The following MPZ variants were observed in gnomAD, a reference collection of about 807,000 sequenced individuals.
The protein encoded by MPZ is myelin protein P0.
Under a neutral mutation model 27.9 loss-of-function variants are expected in MPZ, and 13 were observed. That is an observed-to-expected ratio of 0.47 (90% CI 0.30 to 0.74). The LOEUF (loss-of-function observed/expected upper bound fraction) is 0.74, where lower values mean the gene tolerates loss of function less well. MPZ is among the 30% of genes least tolerant of loss of function. The pLI, the probability that MPZ is intolerant of heterozygous loss-of-function variation, is 0.06. For missense variants in MPZ, 256 were observed against 317.5 expected, an observed-to-expected ratio of 0.81 and a Z score of 1.47; for synonymous variants, 118 against 128.9, an observed-to-expected ratio of 0.92 and a Z score of 0.57.
Position 161,306,823 on chromosome 1 carries a change from G to GGA in MPZ, c.331_332dup (p.Ile112ProfsTer7). On this transcript the variant is annotated frameshift_variant, in exon 3 of 6. Transcript: ENST00000533357. LOFTEE classifies it high-confidence loss of function. ...TGTAGTCTAGGTTGTGTATGACAATGGAGCCATCCTTCCAGCGAGGGTCCC... is the reference window on the plus strand; with the variant it reads ...TGTAGTCTAGGTTGTGTATGACAATGGAGAGCCATCCTTCCAGCGAGGGTCCC... 6.2e-7 allele frequency: 1 copy of GGA among 1,613,980 alleles called. No individual in the cohort carries two copies. The highest frequency in any genetic ancestry group is 8.5e-7 in the Non-Finnish European group (1 of 1,179,990).
At position 161,307,417 on chromosome 1, in the gene MPZ, G is replaced by A. The variant is rs139276805; in HGVS notation, c.75C>T (p.Ser25=). The A allele has an allele frequency of 3.1e-6, 5 of 1,614,008 alleles. No homozygotes were observed. Among genetic ancestry groups the A allele is most frequent in the Admixed American group, 1.7e-5 (1 of 60,008 alleles). ...TGTAAACCACGATGGCCTGGGCCGG[G>A]GACAGCACTGCAAGCACAAAGTGGG... ...AVLLFSSLVL[S]PAQAIVVYTD... is the part of the protein sequence containing the mutation. The change falls in exon 2 of 6, where the codon TCC becomes TCT. Residue 25 remains serine (S), a synonymous_variant. Coordinates refer to ENST00000533357, the MANE Select transcript of MPZ (RefSeq NM_000530.8).
chr1:161,306,548 G>A, intron 3 of MPZ, 84 bp from the exon 4 acceptor site: 1 of 1,582,212 alleles, frequency 6.3e-7, no homozygotes, highest in South Asian at 1.1e-5. Context: ...CCTGCATTGA[G>A]GATGTAGGAC....
chr1:161,304,535 G>A (rs1397503237), downstream of MPZ, among the ~76,000 whole-genome samples: 3 of 152,178 alleles, frequency 2.0e-5, no homozygotes, highest in Admixed American at 1.3e-4. Context: ...AGTTTACAAC[G>A]TAGTATAATC....
chr1:161,307,014 C>CAAAAAAAAAAAAAAGA, intron 2 of MPZ, 93 bp from the exon 3 acceptor site: 13 of 230,382 alleles, frequency 5.6e-5, no homozygotes, highest in South Asian at 2.0e-4. Flanking sequence ...AAGAAAAAAG[C>CAAAAAAAAAAAAAAGA]AAAAAAAAAA....
rs16832786 is a variant in MPZ, at chr1:161,305,115, T to C, written c.*761A>G. ...ATTAAGGACTTAAGGGGGGCGTGAATTGCAAAAGCCACATGACGTCATTGG... is the reference window on the plus strand; with the variant it reads ...ATTAAGGACTTAAGGGGGGCGTGAACTGCAAAAGCCACATGACGTCATTGG... On this transcript the variant is annotated 3_prime_UTR_variant, in exon 6 of 6. Coordinates refer to ENST00000533357, the MANE Select transcript of MPZ (RefSeq NM_000530.8). 19,705 of 152,666 alleles carry C rather than the reference T, an allele frequency of 0.13. 1,561 individuals are homozygous for C. Among genetic ancestry groups the C allele is most frequent in the African/African-American group, 0.22 (9,145 of 41,386 alleles). 9.5% of individuals were successfully genotyped at this position (152,666 alleles called of 1,614,324 possible). A position where few individuals can be genotyped will look rare whatever the true frequency, so the allele number is the denominator to read the frequency against.
chr1:161,306,191 A>C, intron 4 of MPZ, 23 bp from the exon 5 acceptor site: 1 of 1,614,052 alleles, frequency 6.2e-7, no homozygotes, highest in Non-Finnish European at 8.5e-7. Context: ...AGACTGCTGT[A>C]CGTTTGGCCT....
Position 161,307,292 on chromosome 1 carries a change from C to T in MPZ, c.200G>A (p.Arg67His), listed in dbSNP as rs201720099. ...WVSDDISFTW[R>H]YQPEGGRDAI... ...ATCTCTGCCCCCTTCGGGCTGGTAG[C>T]GCCAGGTGAAGGAGATGTCATCTGA... Residue 67 changes from arginine (R) to histidine (H), a missense_variant, in exon 2 of 6, where the codon CGC (arginine) becomes CAC (histidine). Arg to His is a conservative substitution (Grantham distance 29, BLOSUM62 0). Coordinates refer to ENST00000533357, the MANE Select transcript of MPZ (RefSeq NM_000530.8). 3.8e-5 allele frequency: 62 copies of T among 1,614,140 alleles called. No individual in the cohort carries two copies. The highest frequency in any genetic ancestry group is 5.0e-5 in the Non-Finnish European group (59 of 1,180,056).
At chr1:161,309,789 T>G (rs1380903436) in intron 1 of MPZ, 50 bp downstream of exon 1, 1 of 1,456,096 alleles carries the variant, frequency 6.9e-7, no homozygotes, top group African/African-American at 1.4e-5. Flanking sequence ...TGGGGATTGC[T>G]GAGAGACACC....
chr1:161,303,745 GC>G (rs1331950586), downstream of MPZ, among the ~76,000 whole-genome samples: 4 of 152,138 alleles, frequency 2.6e-5, no homozygotes, highest in Admixed American at 6.5e-5. Flanking sequence ...GGAATCTTGG[GC>G]TTAAGATATT....
intron 5 of MPZ, 49 bp from the exon 6 acceptor site, chr1:161,306,026 G>A (rs762978083): frequency 2.5e-6 from 4 of 1,608,508 alleles, no homozygotes; most frequent in African/African-American, 2.7e-5. Flanking sequence ...GGGCTTGACT[G>A]TTCCCATCCC....
intron 1 of MPZ, among the ~76,000 whole-genome samples, chr1:161,307,992 G>GT (rs71274297): frequency 0.099 from 14,937 of 151,282 alleles, 1,048 homozygotes; most frequent in Non-Finnish European, 0.14. Flanking sequence ...GTTTTGTGGA[G>GT]TTTTTTTTTC....
At chr1:161,306,285 G>T (rs756371300) in intron 4 of MPZ, 44 bp downstream of exon 4, 1 of 1,613,702 alleles carries the variant, frequency 6.2e-7, no homozygotes. Flanking sequence ...CCCAGATGGG[G>T]GATAGTGGGG....
intron 1 of MPZ, among the ~76,000 whole-genome samples, chr1:161,309,554 T>A (rs375945517): frequency 0.012 from 747 of 64,738 alleles, 21 homozygotes; most frequent in South Asian, 0.061. Flanking sequence ...ATATATATAT[T>A]TTTTTTTTTT....
At chr1:161,307,014 CA>C (rs34621933) in intron 2 of MPZ, 93 bp from the exon 3 acceptor site, 24,033 of 220,118 alleles carry the variant, frequency 0.11, 39 homozygotes, top group Middle Eastern at 0.13. Context: ...AAGAAAAAAG[CA>C]AAAAAAAAAA....
Position 161,306,847 on chromosome 1 carries a change from C to G in MPZ, c.309G>C (p.Gly103=), listed in dbSNP as rs1131691852. ...GTFKERIQWV[G]DPRWKDGSIV... ...TGGAGCCATCCTTCCAGCGAGGGTC[C>G]CCTACCCACTGGATGCGCTCTTTGA... Residue 103 remains glycine (G), a synonymous_variant, in exon 3 of 6, where the codon GGG becomes GGC. Transcript: ENST00000533357. 3 of 1,613,738 alleles carry G rather than the reference C, an allele frequency of 1.9e-6. No homozygotes were observed. The highest frequency in any genetic ancestry group is 2.5e-6 in the Non-Finnish European group (3 of 1,179,988).
At chr1:161,306,582 C>G in intron 3 of MPZ, 118 bp from the exon 4 acceptor site, 2 of 1,552,616 alleles carry the variant, frequency 1.3e-6, no homozygotes, top group Admixed American at 3.4e-5. Flanking sequence ...TGCCTTCTGC[C>G]CACGCTCCCA....
chr1:161,305,884 T>C lies in MPZ; in HGVS notation c.739A>G (p.Lys247Glu). 6.2e-7 allele frequency: 1 copy of C among 1,613,406 alleles called. No homozygotes were observed. Among genetic ancestry groups the C allele is most frequent in the Non-Finnish European group, 8.5e-7 (1 of 1,179,542 alleles). Residue 247 changes from lysine to glutamate, a missense_variant, in exon 6 of 6, where the codon AAG becomes GAG. By Grantham distance (56) the Lys-to-Glu change is moderately conservative. This residue lies in a region of MPZ where 101 missense variants were observed against 93.6 expected (regional missense o/e 1.08). Transcript: ENST00000533357. ...AKGLGESRKD[K>E]K ...GCCCGGCCCGCTAACCGCTATTTCT[T>C]ATCCTTGCGAGACTCCCCCAGCCCC...
intron 1 of MPZ, among the ~76,000 whole-genome samples, chr1:161,308,175 T>C (rs968404510): frequency 6.6e-6 from 1 of 152,162 alleles, no homozygotes; most frequent in African/African-American, 2.4e-5. Flanking sequence ...CTAGAAAATA[T>C]AAGTCTTCTT....
At chr1:161,306,556 G>A in intron 3 of MPZ, 92 bp from the exon 4 acceptor site, 1 of 1,585,690 alleles carries the variant, frequency 6.3e-7, no homozygotes, top group Non-Finnish European at 8.7e-7. Flanking sequence ...GAGGATGTAG[G>A]ACTCCCAGCT....
Sources: gnomAD v4.1 joint callset for allele counts (sites outside exome capture counted in the v4.1 genomes callset) on GRCh38, gnomAD v4.1.1 for gene constraint, gnomAD v4.1.1 regional missense constraint, MANE v1.5 for transcripts, NCBI Gene and HGNC (gene_info 2026-07-23, HGNC 2026-07-21) for gene names.